The following CRIPTO variants were observed in gnomAD, a reference collection of about 807,000 sequenced individuals.
CRIPTO encodes the protein cripto, EGF-CFC family member, also known as protein Cripto.
the CRIPTO span, among the ~76,000 whole-genome samples, chr3:46,576,831 T>C: frequency 6.6e-6 from 1 of 152,226 alleles, no homozygotes; most frequent in African/African-American, 2.4e-5. Context: ...CTCCGGCTCA[T>C]AGACGCGCCT....
the CRIPTO span, chr3:46,580,037 C>A: frequency 2.5e-6 from 4 of 1,614,264 alleles, no homozygotes. Flanking sequence ...CGCTGCTTTC[C>A]TCAGGCATTT....
the CRIPTO span, among the ~76,000 whole-genome samples, chr3:46,576,196 G>A: frequency 6.6e-6 from 1 of 152,154 alleles, no homozygotes; most frequent in Non-Finnish European, 1.5e-5. Context: ...AAGGCCGGGC[G>A]CGGTAGCTCA....
the CRIPTO span, among the ~76,000 whole-genome samples, chr3:46,575,433 C>T: frequency 1.3e-5 from 2 of 152,250 alleles, no homozygotes; most frequent in South Asian, 4.2e-4. Context: ...AAACCTGGCC[C>T]AGGCTCTGAA....
the CRIPTO span, among the ~76,000 whole-genome samples, chr3:46,576,861 C>A: frequency 6.6e-6 from 1 of 151,968 alleles, no homozygotes; most frequent in African/African-American, 2.4e-5. Context: ...GGGCGTCTGG[C>A]ACTTAGTGGA....
chr3:46,580,036 C>T, the CRIPTO span: 1 of 1,614,274 alleles, frequency 6.2e-7, no homozygotes, highest in Non-Finnish European at 8.5e-7. Flanking sequence ...CCGCTGCTTT[C>T]CTCAGGCATT....
chr3:46,577,672 C>G, the CRIPTO span: 1 of 500,990 alleles, frequency 2.0e-6, no homozygotes, highest in Non-Finnish European at 3.6e-6. Context: ...GGTGGGCGTC[C>G]CGCCCACCTG....
the CRIPTO span, chr3:46,579,846 C>G: frequency 3.4e-3 from 5,454 of 1,613,996 alleles, 175 homozygotes; most frequent in African/African-American, 0.066. Context: ...GCACGATGTG[C>G]GCAAAGAGTA....
At chr3:46,582,320 C>A in the CRIPTO span, 1 of 152,180 alleles carries the variant, frequency 6.6e-6, no homozygotes, top group African/African-American at 2.4e-5. Flanking sequence ...CTATTCAATT[C>A]TTTTAACTGT....
the CRIPTO span, among the ~76,000 whole-genome samples, chr3:46,576,579 G>A: frequency 2.6e-4 from 39 of 150,678 alleles, no homozygotes; most frequent in African/African-American, 7.6e-4. Context: ...GGTAGGCACT[G>A]ACGCTGAAAT....
chr3:46,577,669 G>C, the CRIPTO span: 2 of 493,766 alleles, frequency 4.1e-6, no homozygotes, highest in Non-Finnish European at 7.3e-6. Flanking sequence ...GCTGGTGGGC[G>C]TCCCGCCCAC....
chr3:46,577,721 AAGG>A, the CRIPTO span: 1 of 553,422 alleles, frequency 1.8e-6, no homozygotes, highest in East Asian at 3.1e-5. Flanking sequence ...GTTGTTGAAG[AAGG>A]AGAATCCCCG....
At chr3:46,578,821 G>T in the CRIPTO span, among the ~76,000 whole-genome samples, 1 of 152,118 alleles carries the variant, frequency 6.6e-6, no homozygotes, top group Non-Finnish European at 1.5e-5. Context: ...TGAAATAGAA[G>T]ATAAAAGACA....
At chr3:46,580,183 C>T in the CRIPTO span, 12 of 1,329,542 alleles carry the variant, frequency 9.0e-6, no homozygotes, top group Non-Finnish European at 1.1e-5. Flanking sequence ...CAAAGTTCTG[C>T]TTATAAAAGC....
the CRIPTO span, chr3:46,581,105 T>C: frequency 3.2e-6 from 5 of 1,568,496 alleles, no homozygotes; most frequent in East Asian, 2.2e-5. Context: ...AGGTTTGCTT[T>C]AATGACCAAG....
At chr3:46,576,234 C>A in the CRIPTO span, among the ~76,000 whole-genome samples, 1 of 152,106 alleles carries the variant, frequency 6.6e-6, no homozygotes. Context: ...CTTTGGGAGG[C>A]CGAGGCGGGT....
chr3:46,581,437 C>T, the CRIPTO span: 1 of 630,048 alleles, frequency 1.6e-6, no homozygotes, highest in South Asian at 1.9e-5. Flanking sequence ...TTTGCCCTGC[C>T]CTCTCCCAAA....
chr3:46,579,713 C>T, the CRIPTO span: 1 of 1,610,328 alleles, frequency 6.2e-7, no homozygotes, highest in Non-Finnish European at 8.5e-7. Context: ...TCCCTACACC[C>T]TCAGTCATCT....
the CRIPTO span, chr3:46,577,221 C>T: frequency 6.6e-6 from 1 of 152,326 alleles, no homozygotes; most frequent in African/African-American, 2.4e-5. Flanking sequence ...CAAGGAACCC[C>T]TCCTGACCCT....
At chr3:46,575,462 C>T in the CRIPTO span, among the ~76,000 whole-genome samples, 1 of 152,158 alleles carries the variant, frequency 6.6e-6, no homozygotes, top group East Asian at 1.9e-4. Flanking sequence ...ATCCACTTGG[C>T]TTCCTCTGCA....
Sources: allele counts gnomAD v4.1 joint callset (sites outside exome capture counted in the v4.1 genomes callset), GRCh38; gene constraint gnomAD v4.1.1; transcripts MANE v1.5; gene names NCBI Gene and HGNC (gene_info 2026-07-23, HGNC 2026-07-21).